The following PARVB variants were observed in gnomAD, a reference collection of about 807,000 sequenced individuals.
PARVB encodes parvin beta.
Under a neutral mutation model 47.0 loss-of-function variants are expected in PARVB, and 46 were observed. That is an observed-to-expected ratio of 0.98 (90% CI 0.77 to 1.25). PARVB has a LOEUF of 1.25. Among genes scored for constraint, PARVB ranks in the 50% most tolerant of loss-of-function variants. PARVB has a pLI of 0.00. For missense variants in PARVB, 473 were observed against 471.6 expected, an observed-to-expected ratio of 1.00 and a Z score of -0.03; for synonymous variants, 196 against 196.3, an observed-to-expected ratio of 1.00 and a Z score of 0.01.
chr22:44,157,633 C>T (rs963324930), intron 10 of PARVB, among the ~76,000 whole-genome samples: 4 of 152,152 alleles, frequency 2.6e-5, no homozygotes, highest in Admixed American at 2.6e-4. Flanking sequence ...AATCCCAGCA[C>T]TTTGGGAGGC....
intron 4 of PARVB, among the ~76,000 whole-genome samples, chr22:44,122,520 C>CAGAGAGAGAGAGAGAGAGAGAGAGAGAG (rs1569134259): frequency 4.0e-5 from 2 of 49,832 alleles, no homozygotes; most frequent in African/African-American, 7.3e-5. Context: ...GAGAGAGAGA[C>CAGAGAGAGAGAGAGAGAGAGAGAGAGAG]AGAGAGACAG....
chr22:44,036,485 T>A (rs933484905), intron 1 of PARVB, among the ~76,000 whole-genome samples: 4 of 152,264 alleles, frequency 2.6e-5, no homozygotes, highest in Non-Finnish European at 5.9e-5. Context: ...TCTTAATTTT[T>A]AAAAATATTT....
upstream of PARVB, among the ~76,000 whole-genome samples, chr22:44,021,350 T>C (rs941005326): frequency 6.6e-6 from 1 of 152,062 alleles, no homozygotes; most frequent in Admixed American, 6.5e-5. Flanking sequence ...TGGGGGAAGA[T>C]TCAAGTATAT....
intron 7 of PARVB, among the ~76,000 whole-genome samples, chr22:44,138,238 A>G (rs1384352869): frequency 6.6e-6 from 1 of 152,200 alleles, no homozygotes; most frequent in Non-Finnish European, 1.5e-5. Flanking sequence ...AGACATGTAC[A>G]GTCTAACACA....
chr22:44,090,842 G>A (rs964017690), intron 1 of PARVB, among the ~76,000 whole-genome samples: 3 of 152,186 alleles, frequency 2.0e-5, no homozygotes, highest in African/African-American at 4.8e-5. Context: ...CTTCCACCCC[G>A]ACCCCCTGTG....
In PARVB at chr22:44,147,864, GGGATGCCTTC is replaced by G; in HGVS notation, c.718_727del (p.Asp240ThrfsTer14). ...GTCTCTCTTTGCATGTCCTCAGAGC[GGGATGCCTTC>G]GACACGCTGTTCGACCACGCCCCGG... On this transcript the variant is annotated frameshift_variant, in exon 9 of 13. Coordinates refer to ENST00000338758, the MANE Select transcript of PARVB (RefSeq NM_013327.5). LOFTEE classifies it high-confidence loss of function. 6.2e-7 allele frequency: 1 copy of G among 1,613,996 alleles called. No individual in the cohort carries two copies. The highest frequency in any genetic ancestry group is 1.3e-5 in the African/African-American group (1 of 75,034).
chr22:44,025,062 G>A (rs970400412), intron 1 of PARVB, among the ~76,000 whole-genome samples: 1 of 152,134 alleles, frequency 6.6e-6, no homozygotes, highest in African/African-American at 2.4e-5. Context: ...ATAGTCTGGT[G>A]TCTTTAAGTG....
chr22:44,112,349 A>T (rs1397964522), intron 3 of PARVB: 1 of 152,006 alleles, frequency 6.6e-6, no homozygotes, highest in African/African-American at 2.4e-5. Context: ...CAGCGGTTTC[A>T]CGGCCTCCTC....
intron 2 of PARVB, among the ~76,000 whole-genome samples, chr22:44,005,494 T>C (rs890494858): frequency 4.0e-5 from 6 of 151,870 alleles, no homozygotes; most frequent in Non-Finnish European, 8.8e-5. Flanking sequence ...TCTTTAATTT[T>C]TTCAGAGACA....
intron 2 of PARVB, among the ~76,000 whole-genome samples, chr22:44,010,121 A>C (rs2050507663): frequency 1.3e-5 from 2 of 152,030 alleles, no homozygotes; most frequent in Non-Finnish European, 2.9e-5. Context: ...TGAATCTTTA[A>C]AATTGCAAAT....
intron 3 of PARVB, chr22:44,106,647 G>A (rs1416719214): frequency 6.6e-6 from 1 of 151,950 alleles, no homozygotes; most frequent in Non-Finnish European, 1.5e-5. Context: ...TGCCTGCCTG[G>A]TCCTCTAGTT....
intron 1 of PARVB, among the ~76,000 whole-genome samples, chr22:44,043,723 T>A (rs1274446891): frequency 6.6e-6 from 1 of 152,146 alleles, no homozygotes; most frequent in Non-Finnish European, 1.5e-5. Flanking sequence ...GTGAATTCTG[T>A]CTCAATAAAG....
intron 1 of PARVB, among the ~76,000 whole-genome samples, chr22:44,027,766 C>T (rs938013320): frequency 1.3e-5 from 2 of 151,756 alleles, no homozygotes; most frequent in Non-Finnish European, 2.9e-5. Context: ...GGCATGGTGG[C>T]GTGTGCCTGT....
chr22:44,083,009 G>A (rs2051941705), intron 1 of PARVB, among the ~76,000 whole-genome samples: 1 of 152,068 alleles, frequency 6.6e-6, no homozygotes, highest in South Asian at 2.1e-4. Flanking sequence ...AGGTGAGGCT[G>A]GGGGGATGTT....
chr22:44,085,981 T>C (rs770409934), intron 1 of PARVB, among the ~76,000 whole-genome samples: 7 of 152,224 alleles, frequency 4.6e-5, no homozygotes, highest in Non-Finnish European at 8.8e-5. Context: ...TTTTAGCTTC[T>C]CAACTTATTT....
intron 1 of PARVB, among the ~76,000 whole-genome samples, chr22:44,041,741 C>A (rs375826612): frequency 6.6e-6 from 1 of 152,096 alleles, no homozygotes; most frequent in South Asian, 2.1e-4. Context: ...AAAAAAATAG[C>A]CAGGCGTGGT....
At chr22:44,036,566 G>A (rs2050926189) in intron 1 of PARVB, among the ~76,000 whole-genome samples, 1 of 151,986 alleles carries the variant, frequency 6.6e-6, no homozygotes, top group African/African-American at 2.4e-5. Context: ...ATGTTTATTG[G>A]AAAAAATCTG....
rs138530457 is a variant in PARVB, at chr22:44,041,105, G to A, written c.112+16654G>A. On this transcript the variant is annotated intron_variant, in intron 1 of 12. Transcript: ENST00000338758. Reference sequence around the variant, plus strand: ...TGGAAATGAATGCTGATGGATTGCTGGATAGATAGAGGGATGGACGGATGT... The same window carrying A: ...TGGAAATGAATGCTGATGGATTGCTAGATAGATAGAGGGATGGACGGATGT... 2.2e-3 allele frequency among the ~76,000 whole-genome samples: 336 copies of A among 152,322 alleles called. 2 individuals carry two copies. The highest frequency in any genetic ancestry group is 7.9e-3 in the African/African-American group (327 of 41,572).
intron 2 of PARVB, among the ~76,000 whole-genome samples, chr22:44,001,565 G>A (rs1458479600): frequency 6.6e-6 from 1 of 152,168 alleles, no homozygotes; most frequent in Non-Finnish European, 1.5e-5. Context: ...CATAGAAATT[G>A]CAACCATTTC....
Sources: allele counts gnomAD v4.1 joint callset (sites outside exome capture counted in the v4.1 genomes callset), GRCh38; gene constraint gnomAD v4.1.1; transcripts MANE v1.5; gene names NCBI Gene and HGNC (gene_info 2026-07-23, HGNC 2026-07-21).